Variants in CNTN2 observed in about 807,000 individuals in gnomAD.
The protein encoded by CNTN2 is contactin 2, also known as contactin-2.
A neutral mutation model predicts 117.5 loss-of-function variants in CNTN2; 53 were observed. The ratio of observed to expected loss-of-function variants is 0.45; its 90% CI spans 0.36 to 0.57. The LOEUF (loss-of-function observed/expected upper bound fraction) is 0.57. Ranked by LOEUF, CNTN2 falls within the 20% of genes least tolerant of loss-of-function variation. The probability of loss-of-function intolerance (pLI) is 0.00; values close to 1 mark genes in which losing one functional copy is unlikely to be tolerated. For synonymous variants in CNTN2, 530 were observed against 561.7 expected, an observed-to-expected ratio of 0.94 and a Z score of 0.80; for missense variants, 1,106 against 1,404.3, an observed-to-expected ratio of 0.79 and a Z score of 3.39.
At chr1:205,044,463 G>C (rs576841333) in intron 1 of CNTN2, among the ~76,000 whole-genome samples, 18 of 150,412 alleles carry the variant, frequency 1.2e-4, no homozygotes, top group South Asian at 2.1e-4. Context: ...TGTCCTGGGG[G>C]GGGGGGTCCA....
Position 205,059,153 on chromosome 1 carries a change from C to G in CNTN2, c.557C>G (p.Ser186Cys). 6.2e-7 allele frequency: 1 copy of G among 1,614,208 alleles called. No homozygotes were observed. The highest frequency in any genetic ancestry group is 8.5e-7 in the Non-Finnish European group (1 of 1,180,048). The change falls in exon 6 of 23, where the codon TCC becomes TGC. Residue 186 changes from serine (S) to cysteine (C), a missense_variant. Ser to Cys is a moderately radical substitution (Grantham distance 112). Transcript: ENST00000331830. This position sits in a 1 kb window ranked among gnomAD's most constrained non-coding sequence, Gnocchi z 5.6. ...CCGACGGACGGGCGTCACTTCGTGT[C>G]CCAGACCACAGGGAACCTGTACATT... Reference protein sequence around the residue: ...FIPTDGRHFVSQTTGNLYIAR... With the variant: ...FIPTDGRHFVCQTTGNLYIAR...
Position 205,075,001 on chromosome 1 carries a change from A to G in CNTN2, c.*1236A>G. On this transcript the variant is annotated 3_prime_UTR_variant, in exon 23 of 23. Transcript: ENST00000331830. Reference sequence around the variant, plus strand: ...GTCACAGAACGTCAGAGCTGGAAGAAGCCTTAGAGCTCAACTTCTTCAAGC... The same window carrying G: ...GTCACAGAACGTCAGAGCTGGAAGAGGCCTTAGAGCTCAACTTCTTCAAGC... 1 of 397,978 alleles carries G rather than the reference A, an allele frequency of 2.5e-6. No homozygotes were observed. The highest frequency in any genetic ancestry group is 4.4e-5 in the Admixed American group (1 of 22,738). The allele number at this position is 397,978 out of a possible 1,614,324, so 24.7% of individuals were successfully genotyped here.
chr1:205,072,264 C>T (rs111949487), intron 20 of CNTN2, 131 bp downstream of exon 20: 41 of 986,280 alleles, frequency 4.2e-5, no homozygotes, highest in East Asian at 3.7e-4. Context: ...AATTAGGCAG[C>T]GAGCCTAATG....
chr1:205,052,711 G>A (rs2096454935), intron 1 of CNTN2, among the ~76,000 whole-genome samples: 1 of 152,236 alleles, frequency 6.6e-6, no homozygotes, highest in Non-Finnish European at 1.5e-5. Flanking sequence ...CCTGCCAGAG[G>A]AAGATGTTAC....
At chr1:205,062,647 C>G (rs1440733725) in intron 10 of CNTN2, 78 bp downstream of exon 10, 9 of 1,517,118 alleles carry the variant, frequency 5.9e-6, no homozygotes, top group Non-Finnish European at 6.2e-6. Context: ...TTAGGTGTTT[C>G]CAAACACACA....
chr1:205,058,458 G>A lies in CNTN2; in HGVS notation c.391+102G>A, dbSNP rs778209101. 2 of 1,538,376 alleles carry A rather than the reference G, an allele frequency of 1.3e-6. No individual in the cohort carries two copies. Among genetic ancestry groups the A allele is most frequent in the East Asian group, 4.6e-5 (2 of 43,358 alleles). ...GGACACCCTCAAGCCGGGCCTTCCT[G>A]ACCTCACATGACATGCCTTAGTGAA... On this transcript the variant is annotated intron_variant, in intron 4 of 22. Transcript: ENST00000331830. This position sits in a 1 kb window ranked among gnomAD's most constrained non-coding sequence, Gnocchi z 4.3.
rs928959746 is a variant in CNTN2 at position 205,055,012 on chromosome 1, C to T, written c.70+1757C>T. On this transcript the variant is annotated intron_variant, in intron 2 of 22. Coordinates refer to ENST00000331830, the MANE Select transcript of CNTN2 (RefSeq NM_005076.5). ...GTTTTGTTGTTGTTGTTGTTGTTTG[C>T]GGGTTTTGTTTTTGTTTTTGAGATG... 5.9e-5 allele frequency among the ~76,000 whole-genome samples: 9 copies of T among 151,702 alleles called. No homozygotes were observed. The South Asian group carries it at 8.3e-4, about 14-fold the overall frequency.
rs769988245 is a variant in CNTN2, at chr1:205,072,063, C to T, written c.2661C>T (p.Thr887=). The change falls in exon 20 of 23, where the codon ACC becomes ACT. Residue 887 remains threonine, a synonymous_variant. Transcript: ENST00000331830. The stretch of plus-strand genomic sequence containing the variant: ...ATCCCAACACCAAGTACCATGTGAC[C>T]GTGAGGGCCTACAACCGGGCTGGCA... The part of the protein sequence containing the change: ...GLHPNTKYHV[T]VRAYNRAGTG... The T allele has an allele frequency of 6.8e-6, 11 of 1,613,964 alleles. No individual in the cohort carries two copies. Among genetic ancestry groups the T allele is most frequent in the Middle Eastern group, 1.6e-4 (1 of 6,070 alleles).
chr1:205,069,996 G>A lies in CNTN2; in HGVS notation c.2366G>A (p.Arg789His), dbSNP rs375728294. ...RPYTPFEVKI[R>H]SYNRRGDGPE... ...TACACGCCCTTTGAGGTCAAGATCC[G>A]CAGCTACAACCGCCGCGGGGATGGG... The change falls in exon 18 of 23, where the codon CGC becomes CAC. Residue 789 changes from arginine (R) to histidine (H), a missense_variant. Transcript: ENST00000331830. The A allele has an allele frequency of 1.2e-6, 2 of 1,613,618 alleles. No individual in the cohort carries two copies. Among genetic ancestry groups the A allele is most frequent in the Non-Finnish European group, 1.7e-6 (2 of 1,180,032 alleles).
At chr1:205,054,361 G>A (rs2096457662) in intron 2 of CNTN2, among the ~76,000 whole-genome samples, 1 of 152,222 alleles carries the variant, frequency 6.6e-6, no homozygotes. Context: ...CTCAGTCAGT[G>A]AGGCTGCTGG....
rs115812086 is a variant in CNTN2 at position 205,066,827 on chromosome 1, T to A, written c.1975+228T>A. Among the ~76,000 whole-genome samples, 1,512 of 152,284 alleles carry A rather than the reference T, an allele frequency of 9.9e-3. 35 individuals carry two copies. The highest frequency in any genetic ancestry group is 0.035 in the African/African-American group (1,445 of 41,546). On this transcript the variant is annotated intron_variant, in intron 15 of 22. Transcript: ENST00000331830. ...GAGTTAGAAGAGGAGGCGCTTGGTC[T>A]ATGCCCTTGAAGAATTGGTAGGATT...
intron 2 of CNTN2, among the ~76,000 whole-genome samples, chr1:205,054,741 G>C (rs778402575): frequency 6.6e-6 from 1 of 152,172 alleles, no homozygotes; most frequent in East Asian, 1.9e-4. Context: ...CTCCCAGGAA[G>C]TTGCCTCAGC....
chr1:205,073,531 C>T lies in CNTN2; in HGVS notation c.3014-125C>T, dbSNP rs551565416. 8.6e-5 allele frequency: 75 copies of T among 876,592 alleles called. No individual in the cohort carries two copies. In the African/African-American group the frequency reaches 9.8e-4, roughly 12 times the overall value. The allele number at this position is 876,592 out of a possible 1,614,324, so 54.3% of individuals were successfully genotyped here. ...GTAGGAGTCGGACTGAGAAGACCAC[C>T]CAGCCGTCCGCTCCCAGGCCTGCAG... is the stretch of plus-strand genomic sequence containing the variant. On this transcript the variant is annotated intron_variant, in intron 22 of 22. Coordinates refer to ENST00000331830, the MANE Select transcript of CNTN2 (RefSeq NM_005076.5). This position sits in a 1 kb window ranked among gnomAD's most constrained non-coding sequence, Gnocchi z 6.3.
At position 205,077,587 on chromosome 1, in the gene CNTN2, T is replaced by A. The variant is rs1032214975; in HGVS notation, c.*3822T>A. ...TTCTGTGTGCCCCCAAAAAGCTCCA[T>A]GGAAACAGGCACCTGGTAGCTGCGG... On this transcript the variant is annotated 3_prime_UTR_variant, in exon 23 of 23. Coordinates refer to ENST00000331830, the MANE Select transcript of CNTN2 (RefSeq NM_005076.5). 6.6e-6 allele frequency: 1 copy of A among 152,222 alleles called. No individual in the cohort carries two copies. The highest frequency in any genetic ancestry group is 2.4e-5 in the African/African-American group (1 of 41,438). 9.4% of individuals were successfully genotyped at this position (152,222 alleles called of 1,614,324 possible).
chr1:205,070,564 G>A, intron 19 of CNTN2, 26 bp downstream of exon 19: 2 of 1,547,480 alleles, frequency 1.3e-6, no homozygotes, highest in South Asian at 1.1e-5. Context: ...GGACTTGGGA[G>A]AGGAAGGGGT....
In CNTN2 at chr1:205,045,528, C is replaced by T. The variant is rs148729886; in HGVS notation, c.-87+2134C>T. Among the ~76,000 whole-genome samples, 455 of 152,282 alleles carry T rather than the reference C, an allele frequency of 3.0e-3. 4 individuals are homozygous for T. Among genetic ancestry groups the T allele is most frequent in the African/African-American group, 0.01 (431 of 41,554 alleles). ...GCCTCTAAAGTCACCAGGGAAGCAA[C>T]GCATTTGGGGTGGTTTGGAGGATGC... On this transcript the variant is annotated intron_variant, in intron 1 of 22. Coordinates refer to ENST00000331830, the MANE Select transcript of CNTN2 (RefSeq NM_005076.5).
rs1420237444 is a variant in CNTN2, at chr1:205,058,522, C to T, written c.392-46C>T. On this transcript the variant is annotated intron_variant, in intron 4 of 22. Transcript: ENST00000331830. The surrounding 1 kb of genome is among the most constrained non-coding windows in gnomAD (Gnocchi z 4.3). ...GTGAAGGATGAGTCGGGGAGGGGCT[C>T]GCAGGCCAGGAGGACAGTGCCTGAG... The T allele has an allele frequency of 1.1e-5, 18 of 1,597,800 alleles. No individual in the cohort carries two copies. The highest frequency in any genetic ancestry group is 4.0e-5 in the African/African-American group (3 of 74,690).
chr1:205,058,065 G>A lies in CNTN2; in HGVS notation c.215G>A (p.Arg72Gln), dbSNP rs145070278. 9.9e-6 allele frequency: 16 copies of A among 1,613,118 alleles called. No homozygotes were observed. The highest frequency in any genetic ancestry group is 1.6e-4 in the Middle Eastern group (1 of 6,082). ...CGGGCCAGCCCTCCAGCCACCTATC[G>A]GTAAGGCCTCTGCAGTGGGTGCTGG... Reference protein sequence around the residue: ...RARASPPATYRWKMNGTEMKL... With the variant: ...RARASPPATYQWKMNGTEMKL... Residue 72 changes from arginine to glutamine, a missense_variant and splice_region_variant, in exon 3 of 23, where the codon CGG (arginine) becomes CAG (glutamine). Arg to Gln is a conservative substitution (Grantham distance 43). Transcript: ENST00000331830. This position sits in a 1 kb window ranked among gnomAD's most constrained non-coding sequence, Gnocchi z 4.3.
rs773783881 is a variant in CNTN2, at chr1:205,059,727, G to T, written c.797+45G>T. ...GGAAGCAGAGCACGGTCTCTCGGGG[G>T]CACAGGTGACCCCAGGGTGAGGGCA... On this transcript the variant is annotated intron_variant, in intron 7 of 22. Transcript: ENST00000331830. This position sits in a 1 kb window ranked among gnomAD's most constrained non-coding sequence, Gnocchi z 5.6. 13 of 1,529,198 alleles carry T rather than the reference G, an allele frequency of 8.5e-6. No homozygotes were observed. Among genetic ancestry groups the T allele is most frequent in the Non-Finnish European group, 1.1e-5 (12 of 1,103,668 alleles). The allele number at this position is 1,529,198 out of a possible 1,614,324, so 94.7% of individuals were successfully genotyped here. A position where few individuals can be genotyped will look rare whatever the true frequency, so the allele number is the denominator to read the frequency against.
Sources: allele counts gnomAD v4.1 joint callset (sites outside exome capture counted in the v4.1 genomes callset), GRCh38; gene constraint gnomAD v4.1.1; non-coding constraint Gnocchi (gnomAD v3.1); transcripts MANE v1.5; gene names NCBI Gene and HGNC (gene_info 2026-07-23, HGNC 2026-07-21).